The following CDH4 variants were observed in gnomAD, a reference collection of about 807,000 sequenced individuals.
CDH4 encodes the protein cadherin-4.
A neutral mutation model predicts 86.0 loss-of-function variants in CDH4; 33 were observed. The ratio of observed to expected loss-of-function variants is 0.38; its 90% CI spans 0.29 to 0.51. The LOEUF is 0.51. Among genes scored for constraint, CDH4 ranks in the 20% least tolerant of loss-of-function variants. The pLI is 0.86. For synonymous variants in CDH4, 555 were observed against 549.4 expected (o/e 1.01, Z -0.14); for missense variants, 1,114 against 1,307.4 (o/e 0.85, Z 2.28).
Position 61,927,105 on chromosome 20 carries a change from C to T in CDH4, c.1772-1085C>T, listed in dbSNP as rs183636244. ...CTGCGTCACCTTAAATGTGTTTTGA[C>T]GCAGCTTCCGGAAGATTAAAGAGAC... On this transcript the variant is annotated intron_variant, in intron 11 of 15. Transcript: ENST00000614565. Among the ~76,000 whole-genome samples, 8 of 152,322 alleles carry T rather than the reference C, an allele frequency of 5.3e-5. No homozygotes were observed. The East Asian group carries it at 5.8e-4, about 11-fold the overall frequency.
intron 2 of CDH4, among the ~76,000 whole-genome samples, chr20:61,280,791 G>A (rs892081142): frequency 6.6e-6 from 1 of 152,154 alleles, no homozygotes; most frequent in Non-Finnish European, 1.5e-5. Flanking sequence ...CGGCCACAGC[G>A]GCCTCCCTGG....
chr20:61,576,542 T>C (rs1568694039), intron 2 of CDH4, among the ~76,000 whole-genome samples: 1 of 152,182 alleles, frequency 6.6e-6, no homozygotes, highest in East Asian at 1.9e-4. Flanking sequence ...TCTGTACCAC[T>C]GCATCCCCTC....
At chr20:61,312,343 G>T (rs1279634636) in intron 2 of CDH4, among the ~76,000 whole-genome samples, 3 of 151,650 alleles carry the variant, frequency 2.0e-5, no homozygotes, top group Non-Finnish European at 4.4e-5. Flanking sequence ...GTATATGTGT[G>T]CGATGTGTAC....
intron 2 of CDH4, among the ~76,000 whole-genome samples, chr20:61,732,742 C>T (rs951981862): frequency 6.6e-5 from 10 of 152,354 alleles, no homozygotes; most frequent in South Asian, 2.1e-4. Flanking sequence ...CACCGCTCGT[C>T]CCCCACGCCT....
chr20:61,495,933 G>A (rs779461490), intron 2 of CDH4, among the ~76,000 whole-genome samples: 1 of 148,274 alleles, frequency 6.7e-6, no homozygotes, highest in Non-Finnish European at 1.5e-5. Flanking sequence ...AGAGTCTAGT[G>A]CAGCAAGCCA....
At chr20:61,274,330 C>T (rs568074900) in intron 2 of CDH4, among the ~76,000 whole-genome samples, 3 of 89,754 alleles carry the variant, frequency 3.3e-5, no homozygotes, top group African/African-American at 4.6e-5. Flanking sequence ...GGGGGAGTAC[C>T]ATGGGCAGTT....
At chr20:61,662,813 C>G (rs1001671758) in intron 2 of CDH4, among the ~76,000 whole-genome samples, 2 of 152,166 alleles carry the variant, frequency 1.3e-5, no homozygotes, top group Admixed American at 6.5e-5. Context: ...TGCAGCACCC[C>G]AGGGAGGCTC....
intron 2 of CDH4, among the ~76,000 whole-genome samples, chr20:61,583,929 C>T (rs921112100): frequency 1.2e-4 from 18 of 152,120 alleles, no homozygotes; most frequent in African/African-American, 4.3e-4. Context: ...GAGGCTGAGG[C>T]GGGTGGATTG....
At chr20:61,405,253 G>A (rs965451126) in intron 2 of CDH4, among the ~76,000 whole-genome samples, 4 of 151,286 alleles carry the variant, frequency 2.6e-5, no homozygotes, top group South Asian at 4.2e-4. Context: ...TCTCCCACGC[G>A]CCGTTCTCGG....
intron 2 of CDH4, among the ~76,000 whole-genome samples, chr20:61,307,062 G>A (rs1209606358): frequency 2.6e-5 from 4 of 152,212 alleles, no homozygotes; most frequent in Admixed American, 1.3e-4. Flanking sequence ...TTATTGGAAA[G>A]CAAAAGTCCA....
At chr20:61,581,311 C>T (rs2086426777) in intron 2 of CDH4, among the ~76,000 whole-genome samples, 1 of 152,220 alleles carries the variant, frequency 6.6e-6, no homozygotes, top group African/African-American at 2.4e-5. Context: ...GGTTTGTTCT[C>T]TTGCAGTTCT....
intron 2 of CDH4, among the ~76,000 whole-genome samples, chr20:61,458,252 A>T (rs2085420659): frequency 6.6e-6 from 1 of 150,730 alleles, no homozygotes; most frequent in Admixed American, 6.6e-5. Flanking sequence ...TATGGTCATG[A>T]TGTTGATGAC....
At chr20:61,267,497 C>G (rs1440976104) in intron 2 of CDH4, among the ~76,000 whole-genome samples, 1 of 152,136 alleles carries the variant, frequency 6.6e-6, no homozygotes, top group Non-Finnish European at 1.5e-5. Flanking sequence ...ACCAGAAAGG[C>G]AAATGAGGCA....
At chr20:61,305,407 C>T (rs2084411085) in intron 2 of CDH4, among the ~76,000 whole-genome samples, 1 of 152,164 alleles carries the variant, frequency 6.6e-6, no homozygotes, top group Non-Finnish European at 1.5e-5. Flanking sequence ...TTCCCACTCC[C>T]GGGGGAGGTG....
intron 2 of CDH4, among the ~76,000 whole-genome samples, chr20:61,329,809 C>T (rs2084561716): frequency 6.6e-6 from 1 of 152,180 alleles, no homozygotes; most frequent in Admixed American, 6.5e-5. Flanking sequence ...TTATGCCCTA[C>T]GTGCATTAGC....
chr20:61,359,520 G>A (rs554636183), intron 2 of CDH4, among the ~76,000 whole-genome samples: 10 of 152,334 alleles, frequency 6.6e-5, no homozygotes, highest in Non-Finnish European at 1.2e-4. Flanking sequence ...TTTGAAGGGC[G>A]TAGGAGTCTG....
At chr20:61,452,346 T>C (rs2085385589) in intron 2 of CDH4, among the ~76,000 whole-genome samples, 1 of 152,136 alleles carries the variant, frequency 6.6e-6, no homozygotes, top group African/African-American at 2.4e-5. Flanking sequence ...CACTGCTTGA[T>C]AGAGAAGAAA....
intron 2 of CDH4, among the ~76,000 whole-genome samples, chr20:61,428,463 C>T (rs2085226679): frequency 6.6e-6 from 1 of 152,172 alleles, no homozygotes; most frequent in Non-Finnish European, 1.5e-5. Context: ...GTTATGTCCC[C>T]AAGCCAGAAA....
chr20:61,751,978 CTCGCACATGGCACGTGAAGCGT>C (rs1235076266), intron 3 of CDH4, among the ~76,000 whole-genome samples: 2 of 152,220 alleles, frequency 1.3e-5, no homozygotes, highest in African/African-American at 2.4e-5. Flanking sequence ...GGAAAGCTTC[CTCGCACATGGCACGTGAAGCGT>C]GAAACACGGG....
Sources: gnomAD v4.1 joint callset for allele counts (sites outside exome capture counted in the v4.1 genomes callset) on GRCh38, gnomAD v4.1.1 for gene constraint, MANE v1.5 for transcripts, NCBI Gene and HGNC (gene_info 2026-07-23, HGNC 2026-07-21) for gene names.